The following MEI1 variants were observed in gnomAD, a reference collection of about 807,000 sequenced individuals.
The protein encoded by MEI1 is meiosis inhibitor protein 1.
Under a neutral mutation model 146.2 loss-of-function variants are expected in MEI1, and 103 were observed. The ratio of observed to expected loss-of-function variants is 0.70; its 90% CI spans 0.60 to 0.83. The LOEUF (loss-of-function observed/expected upper bound fraction) is 0.83. MEI1 is among the 40% of genes least tolerant of loss of function. The probability of loss-of-function intolerance (pLI) is 0.00; values close to 1 mark genes in which losing one functional copy is unlikely to be tolerated. For synonymous variants in MEI1, 652 were observed against 628.2 expected (o/e 1.04, Z -0.57); for missense variants, 1,529 against 1,533.0 (o/e 1.00, Z 0.04).
At chr22:41,748,706 A>G (rs1437935383) in intron 15 of MEI1, among the ~76,000 whole-genome samples, 1 of 152,180 alleles carries the variant, frequency 6.6e-6, no homozygotes, top group Admixed American at 6.5e-5. Flanking sequence ...TCCACTGATG[A>G]GCAAACTGAA....
At chr22:41,778,642 A>T in intron 21 of MEI1, 66 bp from the exon 22 acceptor site, 1 of 1,248,716 alleles carries the variant, frequency 8.0e-7, no homozygotes, top group African/African-American at 1.5e-5. Context: ...GAAGCAGGGC[A>T]GGGTGTCTGA....
rs1421592387 is a variant in MEI1 at position 41,741,959 on chromosome 22, A to AG, written c.1332-1121_1332-1120insG. Among the ~76,000 whole-genome samples, 188 of 150,518 alleles carry AG rather than the reference A, an allele frequency of 1.2e-3. 1 individual carries two copies. The highest frequency in any genetic ancestry group is 4.3e-3 in the African/African-American group (178 of 41,032). On this transcript the variant is annotated intron_variant, in intron 11 of 30. Transcript: ENST00000401548. ...CTCCATCTCAAAAAAAAAAAAAAAAAAGAGAAAAGAAAGTTCTCAGGCTGG... is the reference window on the plus strand; with the variant it reads ...CTCCATCTCAAAAAAAAAAAAAAAAAGAGAGAAAAGAAAGTTCTCAGGCTGG...
At chr22:41,734,114 T>A (rs1232636794) in intron 11 of MEI1, among the ~76,000 whole-genome samples, 1 of 149,188 alleles carries the variant, frequency 6.7e-6, no homozygotes, top group Non-Finnish European at 1.5e-5. Context: ...GGTAACAGAG[T>A]GAAATTCTGT....
At chr22:41,787,618 T>A (rs1179919494) in intron 26 of MEI1, among the ~76,000 whole-genome samples, 1 of 152,138 alleles carries the variant, frequency 6.6e-6, no homozygotes, top group East Asian at 1.9e-4. Flanking sequence ...AAAACCTTCC[T>A]TGGGTGAGGA....
chr22:41,759,049 A>G (rs961479159), intron 18 of MEI1, among the ~76,000 whole-genome samples: 4 of 152,294 alleles, frequency 2.6e-5, no homozygotes, highest in African/African-American at 9.6e-5. Context: ...AGGCTGAGAC[A>G]GGAGAATTGC....
At chr22:41,779,419 C>T (rs1444069813) in intron 22 of MEI1, among the ~76,000 whole-genome samples, 2 of 151,964 alleles carry the variant, frequency 1.3e-5, no homozygotes, top group Non-Finnish European at 2.9e-5. Context: ...CTCACCACTG[C>T]ACCCAGCCTG....
intron 19 of MEI1, among the ~76,000 whole-genome samples, chr22:41,765,130 G>C (rs1052031316): frequency 6.6e-6 from 1 of 152,110 alleles, no homozygotes; most frequent in East Asian, 1.9e-4. Flanking sequence ...TCAGCCTCCC[G>C]AGTAGCTGGG....
In MEI1 at chr22:41,753,932, C is replaced by CT. The variant is rs751568326; in HGVS notation, c.1854-15dup. 3 of 1,550,354 alleles carry CT rather than the reference C, an allele frequency of 1.9e-6. No homozygotes were observed. In the East Asian group the frequency reaches 6.7e-5, roughly 35 times the overall value. On this transcript the variant is annotated splice_polypyrimidine_tract_variant and intron_variant, in intron 16 of 30. Coordinates refer to ENST00000401548, the MANE Select transcript of MEI1 (RefSeq NM_152513.4). The stretch of plus-strand genomic sequence containing the variant: ...AGCAATGTCATCTCTTCTATTCTTT[C>CT]TTCTTCTCCCTCTAAGTCACTCAGC...
chr22:41,776,487 G>T (rs888921082), intron 21 of MEI1, among the ~76,000 whole-genome samples: 18 of 152,218 alleles, frequency 1.2e-4, no homozygotes, highest in Non-Finnish European at 1.5e-5. Flanking sequence ...AACATGAGTG[G>T]ATGTGTTTGA....
chr22:41,734,659 A>G (rs1189563364), intron 11 of MEI1, among the ~76,000 whole-genome samples: 1 of 152,112 alleles, frequency 6.6e-6, no homozygotes, highest in African/African-American at 2.4e-5. Context: ...TTTTTTTGAG[A>G]TGAAGTTTCG....
At chr22:41,723,802 T>C in intron 6 of MEI1, 141 bp from the exon 7 acceptor site, 3 of 1,102,330 alleles carry the variant, frequency 2.7e-6, no homozygotes, top group Non-Finnish European at 3.8e-6. Flanking sequence ...AAAAAGCAAA[T>C]TGGTGCTTAA....
Position 41,712,707 on chromosome 22 carries a change from A to G in MEI1, c.350-1295A>G, listed in dbSNP as rs548524387. Among the ~76,000 whole-genome samples the G allele has an allele frequency of 5.3e-3, 585 of 109,796 alleles. 3 individuals carry two copies. Among genetic ancestry groups the G allele is most frequent in the Middle Eastern group, 0.035 (8 of 226 alleles). 72.0% of individuals were successfully genotyped at this position (109,796 alleles called of 152,430 possible). A position where few individuals can be genotyped will look rare whatever the true frequency, so the allele number is the denominator to read the frequency against. ...GTGTGTGTGTGTGTGTGTGTGGAGC[A>G]ATATATATATATATTCACATTAAAC... On this transcript the variant is annotated intron_variant, in intron 3 of 30. Coordinates refer to ENST00000401548, the MANE Select transcript of MEI1 (RefSeq NM_152513.4).
At chr22:41,726,632 T>TA (rs2071382431) in intron 7 of MEI1, among the ~76,000 whole-genome samples, 1 of 152,236 alleles carries the variant, frequency 6.6e-6, no homozygotes, top group African/African-American at 2.4e-5. Context: ...GGAGACATTT[T>TA]ACCATCAATG....
intron 30 of MEI1, among the ~76,000 whole-genome samples, chr22:41,797,780 T>C (rs996368559): frequency 6.6e-6 from 1 of 152,246 alleles, no homozygotes; most frequent in African/African-American, 2.4e-5. Context: ...CCCAAGAATT[T>C]TGGATAAGGG....
At position 41,745,964 on chromosome 22, in the gene MEI1, T is replaced by C; in HGVS notation, c.1618T>C (p.Leu540=). 6.2e-7 allele frequency: 1 copy of C among 1,613,540 alleles called. No individual in the cohort carries two copies. The highest frequency in any genetic ancestry group is 8.5e-7 in the Non-Finnish European group (1 of 1,179,642). The change falls in exon 14 of 31, where the codon TTG becomes CTG. Residue 540 remains leucine (L), a synonymous_variant. Coordinates refer to ENST00000401548, the MANE Select transcript of MEI1 (RefSeq NM_152513.4). The part of the protein sequence containing the change: ...TAPSAKKEDT[L]EAFSEFLLSA... ...TCCCAGCGCCAAGAAGGAAGACACC[T>C]TGGAGGCCTTCTCAGAATTTCTTCT...
chr22:41,727,973 G>T (rs929476934), intron 7 of MEI1, among the ~76,000 whole-genome samples: 2 of 152,146 alleles, frequency 1.3e-5, no homozygotes, highest in Admixed American at 1.3e-4. Flanking sequence ...CAGGTATTCA[G>T]CATAAACTAC....
chr22:41,784,361 A>G lies in MEI1; in HGVS notation c.3110A>G (p.Glu1037Gly), dbSNP rs750580138. The G allele has an allele frequency of 4.3e-5, 69 of 1,613,858 alleles. No individual in the cohort carries two copies. The highest frequency in any genetic ancestry group is 5.7e-5 in the Non-Finnish European group (67 of 1,179,898). The change falls in exon 25 of 31, where the codon GAA (glutamate) becomes GGA (glycine). Residue 1037 changes from glutamate (E) to glycine (G), a missense_variant. Coordinates refer to ENST00000401548, the MANE Select transcript of MEI1 (RefSeq NM_152513.4). ...SLQVHQTLSV[E>G]MDQVLKALSF... ...CAGGTTCACCAGACACTCTCTGTGG[A>G]AATGGACCAAGTATTGAAGGCTCTC...
At chr22:41,765,231 G>A (rs1031386296) in intron 19 of MEI1, among the ~76,000 whole-genome samples, 2 of 152,114 alleles carry the variant, frequency 1.3e-5, no homozygotes, top group African/African-American at 4.8e-5. Context: ...GGTCAGGCTG[G>A]TCTCTAACTC....
At chr22:41,715,719 G>A (rs1292004317) in intron 4 of MEI1, among the ~76,000 whole-genome samples, 1 of 151,146 alleles carries the variant, frequency 6.6e-6, no homozygotes, top group Non-Finnish European at 1.5e-5. Context: ...TTTTTGCATC[G>A]AGTCAGTGTT....
Sources: allele counts gnomAD v4.1 joint callset (sites outside exome capture counted in the v4.1 genomes callset), GRCh38; gene constraint gnomAD v4.1.1; transcripts MANE v1.5; gene names NCBI Gene and HGNC (gene_info 2026-07-23, HGNC 2026-07-21).